Variants in LRBA observed in about 807,000 individuals in gnomAD.
LRBA encodes the protein LPS responsive beige-like anchor protein, also known as lipopolysaccharide-responsive and beige-like anchor protein.
Under a neutral mutation model 330.0 loss-of-function variants are expected in LRBA, and 176 were observed. The observed-to-expected ratio is 0.53, with a 90% CI of 0.47 to 0.60. The LOEUF (loss-of-function observed/expected upper bound fraction) is 0.60, where lower values mean the gene tolerates loss of function less well. LRBA is among the 20% of genes least tolerant of loss of function. The pLI, the probability that LRBA is intolerant of heterozygous loss-of-function variation, is 0.00. For missense variants in LRBA, 3,259 were observed against 3,444.8 expected, an observed-to-expected ratio of 0.95 and a Z score of 1.35; for synonymous variants, 1,230 against 1,193.0, an observed-to-expected ratio of 1.03 and a Z score of -0.64.
chr4:150,904,765 G>A (rs912497060), intron 13 of LRBA, among the ~76,000 whole-genome samples: 4 of 152,006 alleles, frequency 2.6e-5, no homozygotes, highest in Non-Finnish European at 5.9e-5. Flanking sequence ...TGCCTGTTTC[G>A]ATTATTTCCA....
At chr4:150,404,374 A>G (rs1042520240) in intron 47 of LRBA, among the ~76,000 whole-genome samples, 4 of 152,184 alleles carry the variant, frequency 2.6e-5, no homozygotes, top group Non-Finnish European at 5.9e-5. Context: ...TTCTGAGAAG[A>G]GTATTTGTAA....
chr4:150,802,351 T>A (rs927819297), intron 33 of LRBA, among the ~76,000 whole-genome samples: 7 of 141,846 alleles, frequency 4.9e-5, no homozygotes, highest in African/African-American at 1.8e-4. Context: ...CATTCGTGGG[T>A]TTTTTTTTTT....
intron 50 of LRBA, among the ~76,000 whole-genome samples, chr4:150,317,794 A>T (rs1507189): frequency 3.9e-5 from 6 of 152,066 alleles, no homozygotes; most frequent in Admixed American, 1.3e-4. Flanking sequence ...GGCTGTATGA[A>T]CTTGGTCAAG....
At chr4:150,805,897 A>T (rs6535752) in intron 33 of LRBA, among the ~76,000 whole-genome samples, 151,239 of 152,284 alleles carry the variant, frequency 0.99, 75,104 homozygotes, top group East Asian at 1. Flanking sequence ...AGAATTCTAC[A>T]AATAACAATG....
At chr4:150,339,933 C>T (rs996725688) in intron 48 of LRBA, among the ~76,000 whole-genome samples, 2 of 151,568 alleles carry the variant, frequency 1.3e-5, no homozygotes, top group Non-Finnish European at 2.9e-5. Context: ...ACAATCCCCA[C>T]ATCGTGAGAA....
At chr4:150,944,706 C>T (rs753840933) in intron 2 of LRBA, among the ~76,000 whole-genome samples, 4 of 152,124 alleles carry the variant, frequency 2.6e-5, no homozygotes, top group East Asian at 1.9e-4. Flanking sequence ...GAAAAAAATT[C>T]GAGTGGCTAA....
At chr4:150,790,085 T>A (rs909050162) in intron 34 of LRBA, among the ~76,000 whole-genome samples, 2 of 152,240 alleles carry the variant, frequency 1.3e-5, no homozygotes, top group African/African-American at 4.8e-5. Context: ...GAGTTCCATT[T>A]CATTGAATAC....
chr4:150,629,308 A>T (rs1404223315), intron 37 of LRBA, among the ~76,000 whole-genome samples: 1 of 152,242 alleles, frequency 6.6e-6, no homozygotes, highest in Non-Finnish European at 1.5e-5. Context: ...GTAAGTATAA[A>T]CTACAACGGC....
chr4:150,826,798 A>G (rs1746347076), intron 30 of LRBA, among the ~76,000 whole-genome samples: 1 of 152,280 alleles, frequency 6.6e-6, no homozygotes, highest in Admixed American at 6.5e-5. Context: ...CATTCTTAGG[A>G]AACAACTGTC....
At chr4:150,846,047 T>C (rs2126892277) in intron 26 of LRBA, among the ~76,000 whole-genome samples, 1 of 152,244 alleles carries the variant, frequency 6.6e-6, no homozygotes, top group East Asian at 1.9e-4. Flanking sequence ...GTGGTACATA[T>C]ACGCAATGAA....
chr4:150,949,498 T>C (rs991154100), intron 2 of LRBA, among the ~76,000 whole-genome samples: 6 of 152,100 alleles, frequency 3.9e-5, no homozygotes, highest in African/African-American at 1.4e-4. Flanking sequence ...ATATCAATAT[T>C]GTTCTAGTTT....
At chr4:150,543,318 G>A (rs551900019) in intron 40 of LRBA, among the ~76,000 whole-genome samples, 34 of 152,108 alleles carry the variant, frequency 2.2e-4, no homozygotes, top group Non-Finnish European at 3.8e-4. Flanking sequence ...TTTGTTTAAT[G>A]TCCAGGAATA....
intron 44 of LRBA, among the ~76,000 whole-genome samples, chr4:150,442,981 A>G (rs1206584020): frequency 6.6e-6 from 1 of 152,190 alleles, no homozygotes; most frequent in Non-Finnish European, 1.5e-5. Flanking sequence ...CAATGCTACT[A>G]TTTGCTGAAT....
intron 34 of LRBA, 145 bp downstream of exon 34, chr4:150,797,936 T>C (rs907842502): frequency 3.5e-6 from 2 of 577,418 alleles, no homozygotes; most frequent in Non-Finnish European, 6.3e-6. Flanking sequence ...GTAATCCTTT[T>C]GCAATACAAA....
At chr4:150,526,516 A>G (rs1158882520) in intron 40 of LRBA, among the ~76,000 whole-genome samples, 1 of 152,194 alleles carries the variant, frequency 6.6e-6, no homozygotes, top group Non-Finnish European at 1.5e-5. Flanking sequence ...TTTCTCAATA[A>G]AAAGATGGAT....
intron 30 of LRBA, among the ~76,000 whole-genome samples, chr4:150,823,039 C>T (rs1366099569): frequency 3.3e-5 from 5 of 152,160 alleles, no homozygotes; most frequent in Admixed American, 6.6e-5. Context: ...ACACTCCCAC[C>T]AACAGTATAT....
At chr4:150,952,753 T>A (rs1736985996) in intron 2 of LRBA, among the ~76,000 whole-genome samples, 1 of 152,176 alleles carries the variant, frequency 6.6e-6, no homozygotes, top group Non-Finnish European at 1.5e-5. Flanking sequence ...AAATTATGTG[T>A]ATCTGTGCTT....
intron 47 of LRBA, among the ~76,000 whole-genome samples, chr4:150,373,042 G>A (rs911834057): frequency 1.3e-5 from 2 of 151,766 alleles, no homozygotes; most frequent in Admixed American, 6.6e-5. Context: ...TCAACAATGC[G>A]AGACATTTTG....
rs1022882052 is a variant in LRBA at position 150,951,677 on chromosome 4, A to AT, written c.217-22613dup. On this transcript the variant is annotated intron_variant, in intron 2 of 56. Transcript: ENST00000651943. Reference sequence around the variant, plus strand: ...AAAAATAATTAAAATACTTTTCAGTATTTTTTCCATATATAAATCCTTGTA... The same window carrying AT: ...AAAAATAATTAAAATACTTTTCAGTATTTTTTTCCATATATAAATCCTTGTA... Among the ~76,000 whole-genome samples, 128 of 152,310 alleles carry AT rather than the reference A, an allele frequency of 8.4e-4. 1 individual carries two copies. The highest frequency in any genetic ancestry group is 2.8e-3 in the African/African-American group (117 of 41,576).
Sources: allele counts gnomAD v4.1 joint callset (sites outside exome capture counted in the v4.1 genomes callset), GRCh38; gene constraint gnomAD v4.1.1; transcripts MANE v1.5; gene names NCBI Gene and HGNC (gene_info 2026-07-23, HGNC 2026-07-21).